Variants in MTUS1 observed in about 807,000 individuals in gnomAD.
The protein encoded by MTUS1 is microtubule-associated tumor suppressor 1.
In MTUS1, 109 loss-of-function variants were observed where a neutral mutation model predicts 120.8. That is an observed-to-expected ratio of 0.90 (90% CI 0.77 to 1.06). MTUS1 has a LOEUF of 1.06. Among genes scored for constraint, MTUS1 ranks in the 50% least tolerant of loss-of-function variants. MTUS1 has a pLI of 0.00. For missense variants in MTUS1, 2,210 were observed against 1,486.3 expected, an observed-to-expected ratio of 1.49 and a Z score of -8.01; for synonymous variants, 737 against 550.5, an observed-to-expected ratio of 1.34 and a Z score of -4.74.
At chr8:17,669,852 C>A (rs201069074) in intron 8 of MTUS1, among the ~76,000 whole-genome samples, 36 of 151,676 alleles carry the variant, frequency 2.4e-4, no homozygotes, top group African/African-American at 7.7e-4. Flanking sequence ...TTCTAAAAAA[C>A]AAAAAAAACA....
At chr8:17,674,790 C>A in intron 8 of MTUS1, 1 of 1,018,770 alleles carries the variant, frequency 9.8e-7, no homozygotes, top group Non-Finnish European at 1.2e-6. Flanking sequence ...CACAAACCAA[C>A]CCTTGGAAGT....
intron 3 of MTUS1, among the ~76,000 whole-genome samples, chr8:17,732,737 C>T (rs1199140297): frequency 6.6e-6 from 1 of 152,114 alleles, no homozygotes; most frequent in Non-Finnish European, 1.5e-5. Context: ...AAAGGCTGCA[C>T]CATTCTTCCA....
chr8:17,645,856 C>G lies in MTUS1; in HGVS notation c.*70G>C. On this transcript the variant is annotated 3_prime_UTR_variant, in exon 15 of 15. Coordinates refer to ENST00000693296, the MANE Select transcript of MTUS1 (RefSeq NM_001363059.2). ...CTGATATACCTCTTGTGCCCACGTT[C>G]CTCCTTGGGGTCAGTCCTGCAGACC... 1 of 1,532,282 alleles carries G rather than the reference C, an allele frequency of 6.5e-7. No homozygotes were observed. Among genetic ancestry groups the G allele is most frequent in the South Asian group, 1.3e-5 (1 of 79,432 alleles). 94.9% of individuals were successfully genotyped at this position (1,532,282 alleles called of 1,614,324 possible). A position where few individuals can be genotyped will look rare whatever the true frequency, so the allele number is the denominator to read the frequency against.
At chr8:17,797,997 C>T (rs186736799) in intron 1 of MTUS1, among the ~76,000 whole-genome samples, 80 of 152,136 alleles carry the variant, frequency 5.3e-4, no homozygotes, top group African/African-American at 1.1e-3. Flanking sequence ...TTTTTAACTA[C>T]GTATGCAGTA....
At chr8:17,660,761 T>G (rs1200724331) in intron 8 of MTUS1, among the ~76,000 whole-genome samples, 1 of 152,188 alleles carries the variant, frequency 6.6e-6, no homozygotes, top group Non-Finnish European at 1.5e-5. Flanking sequence ...GGTTATGATT[T>G]GGTCAGTAGA....
chr8:17,703,610 C>A, intron 6 of MTUS1, among the ~76,000 whole-genome samples: 2 of 137,908 alleles, frequency 1.5e-5, no homozygotes, highest in Admixed American at 7.8e-5. Flanking sequence ...GCCTGGGTGA[C>A]AGAGCCAGAC....
In MTUS1 at chr8:17,755,133, T is replaced by C. The variant is rs2048504840; in HGVS notation, c.675A>G (p.Arg225=). 1 of 1,614,140 alleles carries C rather than the reference T, an allele frequency of 6.2e-7. No individual in the cohort carries two copies. Among genetic ancestry groups the C allele is most frequent in the East Asian group, 2.2e-5 (1 of 44,876 alleles). The change falls in exon 2 of 15, where the codon AGA becomes AGG. Residue 225 remains arginine (R), a synonymous_variant. Coordinates refer to ENST00000693296, the MANE Select transcript of MTUS1 (RefSeq NM_001363059.2). The part of the protein sequence containing the change: ...KTHARETTYD[R]ESFENPQVTP... ...TGACTTGAGGGTTTTCAAAGCTTTC[T>C]CTATCATAAGTAGTTTCTCTTGCAT...
Position 17,644,424 on chromosome 8 carries a change from T to A in MTUS1, c.*1502A>T, listed in dbSNP as rs1805415378. On this transcript the variant is annotated 3_prime_UTR_variant, in exon 15 of 15. Transcript: ENST00000693296. The stretch of plus-strand genomic sequence containing the variant: ...AGATTAGTAAATACTGACATCACAA[T>A]GTTGACACATGCAGGGAGGGGGAGA... The A allele has an allele frequency of 6.6e-6, 1 of 152,318 alleles. No homozygotes were observed. The highest frequency in any genetic ancestry group is 1.5e-5 in the Non-Finnish European group (1 of 68,046). The allele number at this position is 152,318 out of a possible 1,614,324, so 9.4% of individuals were successfully genotyped here.
At chr8:17,660,571 T>A (rs1034696897) in intron 8 of MTUS1, among the ~76,000 whole-genome samples, 3 of 152,170 alleles carry the variant, frequency 2.0e-5, no homozygotes, top group Non-Finnish European at 4.4e-5. Flanking sequence ...CTGACTCATA[T>A]GGCAATTCTA....
intron 1 of MTUS1, among the ~76,000 whole-genome samples, chr8:17,771,480 C>CT (rs1169506159): frequency 1.3e-4 from 20 of 152,298 alleles, no homozygotes; most frequent in African/African-American, 4.8e-4. Flanking sequence ...ATCTGCAAAT[C>CT]TTTTATTCAG....
intron 3 of MTUS1, among the ~76,000 whole-genome samples, chr8:17,730,285 C>T (rs929191151): frequency 2.0e-5 from 3 of 152,086 alleles, no homozygotes; most frequent in African/African-American, 7.2e-5. Flanking sequence ...AGTTTGAGAC[C>T]AGTCTGGCGA....
At chr8:17,701,304 G>C (rs562229017) in intron 6 of MTUS1, among the ~76,000 whole-genome samples, 2 of 152,132 alleles carry the variant, frequency 1.3e-5, no homozygotes, top group African/African-American at 4.8e-5. Context: ...TTCAACTTAA[G>C]GCCCAATTTT....
At chr8:17,658,663 CAGG>C (rs1808996349) in intron 8 of MTUS1, among the ~76,000 whole-genome samples, 1 of 152,104 alleles carries the variant, frequency 6.6e-6, no homozygotes, top group South Asian at 2.1e-4. Context: ...AATAACATAT[CAGG>C]AGTTGAAGGA....
chr8:17,662,349 A>ATTTTTTTTT (rs35308070), intron 8 of MTUS1, among the ~76,000 whole-genome samples: 2 of 112,688 alleles, frequency 1.8e-5, no homozygotes, highest in African/African-American at 3.5e-5. Flanking sequence ...TTTTGTCCCT[A>ATTTTTTTTT]TTTTTTTTTT....
chr8:17,676,479 G>A (rs941441724), intron 7 of MTUS1: 1 of 615,462 alleles, frequency 1.6e-6, no homozygotes, highest in Non-Finnish European at 2.9e-6. Flanking sequence ...TTCATGTCCT[G>A]CAGGTTACCG....
At chr8:17,652,032 G>A (rs1030859276) in intron 12 of MTUS1, among the ~76,000 whole-genome samples, 38 of 148,556 alleles carry the variant, frequency 2.6e-4, no homozygotes, top group African/African-American at 9.0e-4. Context: ...ATTTGCAGAA[G>A]GTCTCACTGA....
At chr8:17,704,734 T>C (rs893482244) in intron 6 of MTUS1, among the ~76,000 whole-genome samples, 1 of 152,212 alleles carries the variant, frequency 6.6e-6, no homozygotes, top group African/African-American at 2.4e-5. Context: ...CAAGATTGTT[T>C]TGGCTATTTG....
At chr8:17,674,822 A>AT in intron 8 of MTUS1, 1 of 1,065,012 alleles carries the variant, frequency 9.4e-7, no homozygotes, top group African/African-American at 1.7e-5. Context: ...ACTGTTTATC[A>AT]AGAGGGGAAA....
intron 5 of MTUS1, among the ~76,000 whole-genome samples, chr8:17,715,288 T>G (rs1439661694): frequency 6.6e-6 from 1 of 152,110 alleles, no homozygotes; most frequent in African/African-American, 2.4e-5. Flanking sequence ...ACCACATATT[T>G]TGTAAACCTG....
Sources: allele counts gnomAD v4.1 joint callset (sites outside exome capture counted in the v4.1 genomes callset), GRCh38; gene constraint gnomAD v4.1.1; transcripts MANE v1.5; gene names NCBI Gene and HGNC (gene_info 2026-07-23, HGNC 2026-07-21).